PVT1: variants seen among roughly 807,000 people sequenced by gnomAD.
PVT1 encodes CXCR4/PVT1 fusion.
At chr8:127,796,299 C>T (rs1455796814) in intron 2 of PVT1, among the ~76,000 whole-genome samples, 1 of 152,136 alleles carries the variant, frequency 6.6e-6, no homozygotes, top group East Asian at 1.9e-4. Flanking sequence ...AACACCTTCC[C>T]CCGCCCCTCG....
At chr8:127,794,757 G>A (rs1329861885) in intron 1 of PVT1, 1 of 153,430 alleles carries the variant, frequency 6.5e-6, no homozygotes, top group Non-Finnish European at 1.5e-5. Context: ...TTTGTCCCCT[G>A]CGTTTCTGGA....
chr8:128,099,147 C>A (rs938017304), intron 6 of PVT1, among the ~76,000 whole-genome samples: 3 of 152,238 alleles, frequency 2.0e-5, no homozygotes, highest in Non-Finnish European at 2.9e-5. Context: ...CCTTCTCACT[C>A]TGACTCCTGT....
intron 2 of PVT1, among the ~76,000 whole-genome samples, chr8:127,814,393 G>T (rs563452727): frequency 6.6e-6 from 1 of 152,206 alleles, no homozygotes. Context: ...ATGCATCCTT[G>T]TCTTTATTTC....
intron 3 of PVT1, among the ~76,000 whole-genome samples, chr8:127,925,340 A>C (rs992855415): frequency 3.3e-5 from 5 of 152,366 alleles, no homozygotes; most frequent in Admixed American, 6.5e-5. Context: ...TCAAAAAAAT[A>C]TAGTTGAAAA....
At chr8:127,888,572 C>A (rs1272838708) in intron 2 of PVT1, among the ~76,000 whole-genome samples, 1 of 152,230 alleles carries the variant, frequency 6.6e-6, no homozygotes, top group East Asian at 1.9e-4. Context: ...TTTGGATCAT[C>A]TGGGTGAGCC....
chr8:127,836,705 A>T (rs1814912592), intron 2 of PVT1, among the ~76,000 whole-genome samples: 1 of 152,166 alleles, frequency 6.6e-6, no homozygotes, highest in Non-Finnish European at 1.5e-5. Context: ...TACGTCATTT[A>T]GTTTCCACAG....
At chr8:127,861,202 T>G (rs1268448318) in intron 2 of PVT1, among the ~76,000 whole-genome samples, 1 of 152,152 alleles carries the variant, frequency 6.6e-6, no homozygotes, top group African/African-American at 2.4e-5. Context: ...TAGCTAGGCT[T>G]CCAACTAACT....
At chr8:128,004,366 G>A (rs1817221463) in intron 4 of PVT1, among the ~76,000 whole-genome samples, 1 of 152,096 alleles carries the variant, frequency 6.6e-6, no homozygotes, top group African/African-American at 2.4e-5. Flanking sequence ...GAGAAGGGAG[G>A]GCTTTATTCA....
chr8:127,932,713 T>C (rs186513863), intron 3 of PVT1: 4 of 386,546 alleles, frequency 1.0e-5, no homozygotes, highest in Middle Eastern at 6.6e-4. Context: ...ACACGTTATA[T>C]TTCTATCTTA....
intron 5 of PVT1, among the ~76,000 whole-genome samples, chr8:128,086,773 G>A (rs185348320): frequency 5.9e-5 from 9 of 152,310 alleles, no homozygotes; most frequent in Admixed American, 5.2e-4. Flanking sequence ...TTAACTCCTT[G>A]TTCCTACAGG....
intron 4 of PVT1, among the ~76,000 whole-genome samples, chr8:128,028,509 G>A (rs776043585): frequency 4.6e-5 from 7 of 152,214 alleles, no homozygotes; most frequent in Non-Finnish European, 1.0e-4. Context: ...AGCTCTCTGA[G>A]GAGAGGCAGG....
intron 3 of PVT1, among the ~76,000 whole-genome samples, chr8:127,967,374 C>T (rs1006924897): frequency 7.9e-5 from 12 of 152,324 alleles, no homozygotes; most frequent in African/African-American, 2.6e-4. Flanking sequence ...ACGAAGGCTG[C>T]GCTCTTGTTT....
intron 3 of PVT1, chr8:127,947,058 A>C (rs1216568052): frequency 1.3e-5 from 2 of 152,506 alleles, no homozygotes; most frequent in Non-Finnish European, 2.9e-5. Flanking sequence ...TCACTTGTTC[A>C]TGTGCCTCTT....
chr8:128,008,790 T>C (rs1817277225), intron 4 of PVT1: 1 of 386,158 alleles, frequency 2.6e-6, no homozygotes. Context: ...TTCTGCCCAC[T>C]CAGCTGATGA....
intron 2 of PVT1, among the ~76,000 whole-genome samples, chr8:127,864,780 C>G (rs991734156): frequency 1.3e-5 from 2 of 152,122 alleles, no homozygotes; most frequent in African/African-American, 4.8e-5. Flanking sequence ...GATCTCCTGA[C>G]CTCGTGATCC....
At chr8:127,801,910 T>C (rs1339316233) in intron 2 of PVT1, among the ~76,000 whole-genome samples, 1 of 151,524 alleles carries the variant, frequency 6.6e-6, no homozygotes, top group Non-Finnish European at 1.5e-5. Flanking sequence ...ATTTATTTAT[T>C]TATTTATTTA....
intron 4 of PVT1, among the ~76,000 whole-genome samples, chr8:127,994,320 A>G (rs758291006): frequency 2.1e-4 from 32 of 152,220 alleles, no homozygotes; most frequent in Non-Finnish European, 4.0e-4. Context: ...CTGGGAGCAG[A>G]GCCTTGGGTC....
intron 4 of PVT1, among the ~76,000 whole-genome samples, chr8:128,069,395 C>T (rs1294152397): frequency 1.3e-5 from 2 of 152,122 alleles, no homozygotes; most frequent in East Asian, 1.9e-4. Context: ...CTAGGAATGA[C>T]GTCACGAAAG....
chr8:127,811,675 ACT>A (rs2129660927), intron 2 of PVT1, among the ~76,000 whole-genome samples: 1 of 151,832 alleles, frequency 6.6e-6, no homozygotes, highest in East Asian at 1.9e-4. Context: ...ATTCTAGACA[ACT>A]CTGTTCTTCT....
Sources: allele counts gnomAD v4.1 joint callset (sites outside exome capture counted in the v4.1 genomes callset), GRCh38; gene constraint gnomAD v4.1.1; transcripts MANE v1.5; gene names NCBI Gene and HGNC (gene_info 2026-07-23, HGNC 2026-07-21).